COL9A3: variants seen among roughly 807,000 people sequenced by gnomAD.
COL9A3 encodes the protein collagen alpha-3(IX) chain.
A neutral mutation model predicts 110.2 loss-of-function variants in COL9A3; 82 were observed. The observed-to-expected ratio is 0.74, with a 90% confidence interval of 0.62 to 0.89. The LOEUF is 0.89. COL9A3 is among the 40% of genes least tolerant of loss of function. The pLI is 0.00. For synonymous variants in COL9A3, 494 were observed against 403.8 expected, an observed-to-expected ratio of 1.22 and a Z score of -2.68; for missense variants, 1,066 against 981.3, an observed-to-expected ratio of 1.09 and a Z score of -1.15.
chr20:62,820,636 G>C (rs1991089018), intron 5 of COL9A3, among the ~76,000 whole-genome samples: 1 of 152,214 alleles, frequency 6.6e-6, no homozygotes, highest in African/African-American at 2.4e-5. Flanking sequence ...AACAGTAGCT[G>C]CTGGCAGCCG....
chr20:62,840,535 T>C lies in COL9A3; in HGVS notation c.1865-7T>C, dbSNP rs1458333432. 1.2e-6 allele frequency: 2 copies of C among 1,611,134 alleles called. No individual in the cohort carries two copies. The highest frequency in any genetic ancestry group is 2.7e-5 in the African/African-American group (2 of 74,844). Reference sequence around the variant, plus strand: ...CAGCTGAACTCACCTTTCTGCTCTGTCCCAAGGACCCCAAGGCGTGCCCGG... The same window carrying C: ...CAGCTGAACTCACCTTTCTGCTCTGCCCCAAGGACCCCAAGGCGTGCCCGG... On this transcript the variant is annotated splice_polypyrimidine_tract_variant and splice_region_variant and intron_variant, in intron 31 of 31. Coordinates refer to ENST00000649368, the MANE Select transcript of COL9A3 (RefSeq NM_001853.4).
At chr20:62,820,586 G>C (rs3818000) in intron 5 of COL9A3, among the ~76,000 whole-genome samples, 1 of 152,026 alleles carries the variant, frequency 6.6e-6, no homozygotes, top group Non-Finnish European at 1.5e-5. Flanking sequence ...TTGGGAGCTC[G>C]TCAGGCATGA....
intron 22 of COL9A3, 90 bp from the exon 23 acceptor site, chr20:62,830,270 C>T: frequency 2.1e-6 from 3 of 1,455,252 alleles, no homozygotes; most frequent in Non-Finnish European, 1.9e-6. Flanking sequence ...TCCACCCACT[C>T]TGGGGGAAGG....
At chr20:62,818,694 A>AGGCCTGGAGCC in intron 3 of COL9A3, 141 bp downstream of exon 3, 1 of 843,202 alleles carries the variant, frequency 1.2e-6, no homozygotes, top group Non-Finnish European at 2.0e-6. Flanking sequence ...GGCTTGGAGC[A>AGGCCTGGAGCC]GGCCTGGAGC....
At chr20:62,836,586 C>A in intron 29 of COL9A3, 54 bp downstream of exon 29, 1 of 1,541,744 alleles carries the variant, frequency 6.5e-7, no homozygotes, top group Non-Finnish European at 8.8e-7. Context: ...CCTGGGGGTC[C>A]CGTGCCTGGG....
At chr20:62,826,548 A>C (rs2063554696) in intron 14 of COL9A3, among the ~76,000 whole-genome samples, 1 of 151,994 alleles carries the variant, frequency 6.6e-6, no homozygotes, top group Non-Finnish European at 1.5e-5. Flanking sequence ...GCTGACACCC[A>C]CACACACGGT....
chr20:62,816,404 T>C (rs531076995), upstream of COL9A3: 3 of 152,408 alleles, frequency 2.0e-5, no homozygotes, highest in East Asian at 5.8e-4. Context: ...TTGCGATCTC[T>C]CCTGGGAGTC....
chr20:62,833,177 G>T lies in COL9A3; in HGVS notation c.1368+113G>T, dbSNP rs975378309. On this transcript the variant is annotated intron_variant, in intron 26 of 31. Coordinates refer to ENST00000649368, the MANE Select transcript of COL9A3 (RefSeq NM_001853.4). ...AATCTGCAGCTCCCGGTGGAAGATC[G>T]GCAGCTCTGCTGGGCAGCGTGGGGA... The T allele has an allele frequency of 1.3e-5, 12 of 895,744 alleles. No homozygotes were observed. In the Admixed American group the frequency reaches 2.1e-4, roughly 16 times the overall value. 55.5% of individuals were successfully genotyped at this position (895,744 alleles called of 1,614,324 possible).
chr20:62,825,578 G>C (rs768647431), intron 12 of COL9A3: 231 of 604,262 alleles, frequency 3.8e-4, no homozygotes, highest in Non-Finnish European at 6.2e-4. Context: ...CCTGGACAGG[G>C]CTGAAGGGCC....
intron 4 of COL9A3, 21 bp downstream of exon 4, chr20:62,819,314 C>G: frequency 6.3e-7 from 1 of 1,595,986 alleles, no homozygotes; most frequent in Non-Finnish European, 8.5e-7. Flanking sequence ...CTGCCCCTCC[C>G]CGCCATGCCC....
intron 30 of COL9A3, among the ~76,000 whole-genome samples, chr20:62,837,732 T>G (rs896943886): frequency 6.6e-6 from 1 of 152,062 alleles, no homozygotes; most frequent in African/African-American, 2.4e-5. Context: ...TCTTGAACCC[T>G]GAAGGCAGAG....
chr20:62,821,724 C>A, intron 7 of COL9A3, 33 bp from the exon 8 acceptor site: 1 of 1,598,256 alleles, frequency 6.3e-7, no homozygotes, highest in Non-Finnish European at 8.6e-7. Flanking sequence ...CTTCCGGGTG[C>A]AGACCTCCCC....
rs569423591 is a variant in COL9A3, at chr20:62,822,231, C to A, written c.477+67C>A. 133 of 874,068 alleles carry A rather than the reference C, an allele frequency of 1.5e-4. No individual in the cohort carries two copies. In the African/African-American group the frequency reaches 1.7e-3, roughly 11 times the overall value. 54.1% of individuals were successfully genotyped at this position (874,068 alleles called of 1,614,324 possible). On this transcript the variant is annotated intron_variant, in intron 9 of 31. Coordinates refer to ENST00000649368, the MANE Select transcript of COL9A3 (RefSeq NM_001853.4). ...CTAGGACACTGGGTTGGACCCTCCC[C>A]ATTCCCCCTCCCCAGGCTCCATGCC... is the stretch of plus-strand genomic sequence containing the variant.
chr20:62,835,480 A>G (rs1410847549), intron 26 of COL9A3, among the ~76,000 whole-genome samples: 1 of 152,226 alleles, frequency 6.6e-6, no homozygotes, highest in Non-Finnish European at 1.5e-5. Flanking sequence ...ATTGCAGTGC[A>G]GTGGCCGTTC....
chr20:62,832,767 C>CACAGGTTCTGCTTG, intron 25 of COL9A3: 4 of 370,688 alleles, frequency 1.1e-5, no homozygotes, highest in East Asian at 1.5e-4. Context: ...GAACCCCCAC[C>CACAGGTTCTGCTTG]GCAGGTTCTG....
In COL9A3 at chr20:62,833,303, G is replaced by A. The variant is rs530242395; in HGVS notation, c.1368+239G>A. 1.7e-4 allele frequency among the ~76,000 whole-genome samples: 26 copies of A among 152,348 alleles called. No homozygotes were observed. The South Asian group carries it at 4.4e-3, about 26-fold the overall frequency. On this transcript the variant is annotated intron_variant, in intron 26 of 31. Coordinates refer to ENST00000649368, the MANE Select transcript of COL9A3 (RefSeq NM_001853.4). ...GCGGCTCTGGAGTCTGACCTGACCCGGTGCTCAGACGTGTGGGCTCCCGCA... is the reference window on the plus strand; with the variant it reads ...GCGGCTCTGGAGTCTGACCTGACCCAGTGCTCAGACGTGTGGGCTCCCGCA...
rs1297300058 is a variant in COL9A3 at position 62,828,932 on chromosome 20, G to T, written c.964G>T (p.Gly322Cys). The change falls in exon 19 of 32, where the codon GGT (glycine) becomes TGT (cysteine). Residue 322 changes from glycine (G) to cysteine (C), a missense_variant. Transcript: ENST00000649368. ...ATCTCTGTCCTCACAGGGAGAGGCT[G>T]GTCGCAACGGTGCTCCGGGAGAGAA... ...PGLDGQKGEA[G>C]RNGAPGEKGP... The T allele has an allele frequency of 6.2e-7, 1 of 1,611,814 alleles. No individual in the cohort carries two copies. The highest frequency in any genetic ancestry group is 8.5e-7 in the Non-Finnish European group (1 of 1,179,802).
intron 1 of COL9A3, 197 bp from the exon 2 acceptor site, chr20:62,817,370 G>A (rs904972759): frequency 3.8e-6 from 2 of 526,654 alleles, no homozygotes; most frequent in Non-Finnish European, 3.2e-6. Flanking sequence ...AGCACAAGGG[G>A]GCCTTTGTTC....
Position 62,830,568 on chromosome 20 carries a change from C to A in COL9A3, c.1267C>A (p.Arg423=), listed in dbSNP as rs761166747. 5 of 1,605,420 alleles carry A rather than the reference C, an allele frequency of 3.1e-6. No homozygotes were observed. Among genetic ancestry groups the A allele is most frequent in the Non-Finnish European group, 4.2e-6 (5 of 1,177,094 alleles). ...CGGCCTTCCAGGCCCCCAGGGCCTC[C>A]GAGGTGACGTGGGCGACCGGGTAAG... ...DPGLPGPQGL[R]GDVGDRGPGG... is the part of the protein sequence containing the mutation. Residue 423 remains arginine, a synonymous_variant, in exon 24 of 32, where the codon CGA becomes AGA. Coordinates refer to ENST00000649368, the MANE Select transcript of COL9A3 (RefSeq NM_001853.4).
Sources: gnomAD v4.1 joint callset for allele counts (sites outside exome capture counted in the v4.1 genomes callset) on GRCh38, gnomAD v4.1.1 for gene constraint, MANE v1.5 for transcripts, NCBI Gene and HGNC (gene_info 2026-07-23, HGNC 2026-07-21) for gene names.